The following NDUFAF6 variants were observed in gnomAD, a reference collection of about 807,000 sequenced individuals.
NDUFAF6 encodes the protein NADH dehydrogenase (ubiquinone) complex I, assembly factor 6.
In NDUFAF6, 45 loss-of-function variants were observed where a neutral mutation model predicts 40.8. That is an observed-to-expected ratio of 1.10 (90% CI 0.87 to 1.42). NDUFAF6 has a LOEUF of 1.42. Ranked by LOEUF, NDUFAF6 falls within the 40% of genes most tolerant of loss-of-function variation. The pLI is 0.00. For missense variants in NDUFAF6, 435 were observed against 418.5 expected (o/e 1.04, Z -0.34); for synonymous variants, 185 against 155.9 (o/e 1.19, Z -1.39).
chr8:94,989,786 G>A (rs995817070), intron 2 of NDUFAF6, among the ~76,000 whole-genome samples: 2 of 152,160 alleles, frequency 1.3e-5, no homozygotes, highest in African/African-American at 4.8e-5. Flanking sequence ...ATCCAAGCTG[G>A]AGTGCAGTGG....
At position 94,927,902 on chromosome 8, in the gene NDUFAF6, T is replaced by C. The variant is rs529426728; in HGVS notation, c.-935-17581T>C. 7 of 87,084 alleles carry C rather than the reference T, an allele frequency of 8.0e-5. No homozygotes were observed. The East Asian group carries it at 2.3e-3, about 29-fold the overall frequency. 5.4% of individuals were successfully genotyped at this position (87,084 alleles called of 1,614,324 possible). A position where few individuals can be genotyped will look rare whatever the true frequency, so the allele number is the denominator to read the frequency against. ...TAAAGCGCATTGTAAACCACTAATA[T>C]TTACAATAGCAAAAAAAAAAGCTCA... On this transcript the variant is annotated intron_variant, in intron 1 of 14. Transcript: ENST00000396113.
In NDUFAF6 at chr8:95,048,555, G is replaced by A; in HGVS notation, c.813G>A (p.Lys271=). 6.2e-7 allele frequency: 1 copy of A among 1,613,286 alleles called. No individual in the cohort carries two copies. Among genetic ancestry groups the A allele is most frequent in the Non-Finnish European group, 8.5e-7 (1 of 1,179,222 alleles). Residue 271 remains lysine, a synonymous_variant, in exon 7 of 9, where the codon AAG becomes AAA. Coordinates refer to ENST00000396124, the MANE Select transcript of NDUFAF6 (RefSeq NM_152416.4). The part of the protein sequence containing the change: ...DIASQAHLHL[K]HARSFHKTVP... ...CCAGTCAAGCACACTTGCACCTAAA[G>A]CATGTAAGTCGGCTTTTTTTTGCCA...
chr8:94,913,691 C>T (rs1818933553), intron 1 of NDUFAF6, among the ~76,000 whole-genome samples: 1 of 152,092 alleles, frequency 6.6e-6, no homozygotes, highest in African/African-American at 2.4e-5. Flanking sequence ...CCCAGCTACT[C>T]GGGAGGCTAA....
intron 1 of NDUFAF6, among the ~76,000 whole-genome samples, chr8:94,900,278 G>A (rs189329157): frequency 6.6e-6 from 1 of 150,544 alleles, no homozygotes; most frequent in Non-Finnish European, 1.5e-5. Flanking sequence ...TCGGTGGGGG[G>A]CCCTTGGAAC....
intron 1 of NDUFAF6, among the ~76,000 whole-genome samples, chr8:94,910,159 GT>G (rs796429158): frequency 1.3e-5 from 2 of 150,768 alleles, no homozygotes; most frequent in African/African-American, 4.9e-5. Context: ...TGTTTTTTTG[GT>G]TTTTTTTTAT....
intron 2 of NDUFAF6, among the ~76,000 whole-genome samples, chr8:95,008,645 T>C (rs1325414678): frequency 6.6e-6 from 1 of 152,134 alleles, no homozygotes; most frequent in Non-Finnish European, 1.5e-5. Context: ...TAGCCAGGAT[T>C]ACAGGCACGT....
intron 2 of NDUFAF6, among the ~76,000 whole-genome samples, chr8:94,995,809 G>T (rs13279129): frequency 6.6e-6 from 1 of 152,018 alleles, no homozygotes; most frequent in Admixed American, 6.6e-5. Context: ...ACGGAGTCTC[G>T]CTCTGTCGCC....
chr8:95,035,321 A>C (rs1829364484), intron 2 of NDUFAF6, 133 bp from the exon 3 acceptor site: 1 of 840,804 alleles, frequency 1.2e-6, no homozygotes, highest in African/African-American at 1.7e-5. Context: ...AGGTTCCAAA[A>C]AATGTAGTCA....
chr8:95,023,285 C>T (rs1586986339), upstream of NDUFAF6: 2 of 152,234 alleles, frequency 1.3e-5, no homozygotes, highest in East Asian at 3.8e-4. Context: ...TAACACCCAC[C>T]ACCGGGGTTC....
intron 1 of NDUFAF6, among the ~76,000 whole-genome samples, chr8:94,903,494 A>T (rs1818163648): frequency 6.6e-6 from 1 of 152,248 alleles, no homozygotes; most frequent in Admixed American, 6.5e-5. Flanking sequence ...ATTCAATATG[A>T]TACCATTTAT....
intron 2 of NDUFAF6, among the ~76,000 whole-genome samples, chr8:95,006,608 C>T (rs1826996985): frequency 1.3e-5 from 2 of 152,218 alleles, no homozygotes; most frequent in Admixed American, 1.3e-4. Context: ...AGGCCAGGCA[C>T]AGTGGTTCAC....
chr8:95,082,022 C>T (rs926434992), intron 2 of NDUFAF6, among the ~76,000 whole-genome samples: 1 of 152,170 alleles, frequency 6.6e-6, no homozygotes, highest in Non-Finnish European at 1.5e-5. Context: ...CGAGATCGCG[C>T]CACTGCACTC....
intron 2 of NDUFAF6, among the ~76,000 whole-genome samples, chr8:95,033,451 T>C (rs984959126): frequency 1.3e-5 from 2 of 152,232 alleles, no homozygotes; most frequent in South Asian, 4.1e-4. Context: ...CATGGAGCCT[T>C]GTTTATTCAC....
chr8:95,008,934 C>T (rs749903994), intron 2 of NDUFAF6, among the ~76,000 whole-genome samples: 28 of 152,074 alleles, frequency 1.8e-4, no homozygotes, highest in African/African-American at 6.0e-4. Flanking sequence ...TGGTGGCTCA[C>T]GCCTATAATC....
At chr8:95,102,523 T>C (rs944466274) in intron 2 of NDUFAF6, among the ~76,000 whole-genome samples, 16 of 152,308 alleles carry the variant, frequency 1.1e-4, no homozygotes, top group Admixed American at 3.9e-4. Context: ...CTGTGTCTCA[T>C]TGATTGACAG....
chr8:95,111,589 T>A (rs138852772), intron 4 of NDUFAF6, among the ~76,000 whole-genome samples: 1 of 152,274 alleles, frequency 6.6e-6, no homozygotes, highest in Admixed American at 6.5e-5. Context: ...AGTGCCTTGG[T>A]AAGGTGTTGT....
intron 1 of NDUFAF6, among the ~76,000 whole-genome samples, chr8:94,918,780 C>T (rs74691040): frequency 1.3e-5 from 2 of 152,350 alleles, no homozygotes; most frequent in African/African-American, 2.4e-5. Context: ...GTATCTCCAA[C>T]ATCCTTCTCT....
chr8:95,044,757 CT>C lies in NDUFAF6; in HGVS notation c.478-774del, dbSNP rs373961068. Among the ~76,000 whole-genome samples the C allele has an allele frequency of 0.01, 1,454 of 141,652 alleles. 73 individuals carry two copies. The East Asian group carries it at 0.17, about 17-fold the overall frequency. 92.9% of individuals were successfully genotyped at this position (141,652 alleles called of 152,430 possible). ...AGGCATGAGCCACCGCACCCAGCCT[CT>C]TTTTTTTTTTTTTAAACCCTGCATG... On this transcript the variant is annotated intron_variant, in intron 4 of 8. Transcript: ENST00000396124.
At chr8:94,896,670 G>A (rs1270993846) in intron 1 of NDUFAF6, 1 of 152,082 alleles carries the variant, frequency 6.6e-6, no homozygotes, top group African/African-American at 2.4e-5. Flanking sequence ...GGGAGACGGA[G>A]CCTCGCGGGC....
Sources: gnomAD v4.1 joint callset for allele counts (sites outside exome capture counted in the v4.1 genomes callset) on GRCh38, gnomAD v4.1.1 for gene constraint, MANE v1.5 for transcripts, NCBI Gene and HGNC (gene_info 2026-07-23, HGNC 2026-07-21) for gene names.